The following MGAT4C variants were observed in gnomAD, a reference collection of about 807,000 sequenced individuals.
MGAT4C encodes the protein alpha-1,3-mannosyl-glycoprotein 4-beta-N-acetylglucosaminyltransferase C.
A neutral mutation model predicts 40.1 loss-of-function variants in MGAT4C; 19 were observed. The ratio of observed to expected loss-of-function variants is 0.47; its 90% confidence interval spans 0.33 to 0.70. The LOEUF is 0.70. Ranked by LOEUF, MGAT4C falls within the 30% of genes least tolerant of loss-of-function variation. MGAT4C has a pLI of 0.02. For synonymous variants in MGAT4C, 181 were observed against 187.1 expected, an observed-to-expected ratio of 0.97 and a Z score of 0.27; for missense variants, 491 against 563.2, an observed-to-expected ratio of 0.87 and a Z score of 1.30.
At chr12:86,339,762 A>G (rs1954870078) in intron 3 of MGAT4C, among the ~76,000 whole-genome samples, 1 of 152,074 alleles carries the variant, frequency 6.6e-6, no homozygotes, top group African/African-American at 2.4e-5. Context: ...AAAGACACAC[A>G]GAGCAAATTT....
chr12:86,368,486 T>A (rs1955650238), intron 3 of MGAT4C, among the ~76,000 whole-genome samples: 1 of 152,068 alleles, frequency 6.6e-6, no homozygotes, highest in Non-Finnish European at 1.5e-5. Flanking sequence ...TTTAGTTTGT[T>A]TATTTGAGGT....
chr12:86,441,965 G>A (rs1309332858), intron 2 of MGAT4C, among the ~76,000 whole-genome samples: 1 of 152,142 alleles, frequency 6.6e-6, no homozygotes, highest in Non-Finnish European at 1.5e-5. Context: ...CACTGACAGT[G>A]TAAAAGTGTT....
intron 3 of MGAT4C, among the ~76,000 whole-genome samples, chr12:86,345,507 T>C (rs1010093985): frequency 1.3e-5 from 2 of 151,744 alleles, no homozygotes; most frequent in African/African-American, 2.4e-5. Flanking sequence ...TTCCCACCTA[T>C]GAGTGAGAAC....
intron 1 of MGAT4C, among the ~76,000 whole-genome samples, chr12:86,052,934 T>C (rs989516637): frequency 6.6e-6 from 1 of 151,996 alleles, no homozygotes; most frequent in African/African-American, 2.4e-5. Context: ...TTCATCTCTA[T>C]AAGCTGAGTG....
chr12:86,391,091 C>G (rs1253624834), intron 3 of MGAT4C, among the ~76,000 whole-genome samples: 1 of 152,054 alleles, frequency 6.6e-6, no homozygotes, highest in South Asian at 2.1e-4. Context: ...CTGTTTTCTC[C>G]GTAAAATCTC....
chr12:86,746,231 A>G (rs1287003732), intron 1 of MGAT4C, among the ~76,000 whole-genome samples: 3 of 151,668 alleles, frequency 2.0e-5, no homozygotes, highest in African/African-American at 4.8e-5. Context: ...CAAGGCAGCT[A>G]GAAGGATCCT....
chr12:86,804,055 G>A (rs927248680), intron 1 of MGAT4C, among the ~76,000 whole-genome samples: 2 of 144,066 alleles, frequency 1.4e-5, no homozygotes, highest in African/African-American at 5.1e-5. Flanking sequence ...AGAAAATGTG[G>A]CACATATACA....
At chr12:86,236,453 G>T (rs1362957938) in intron 1 of MGAT4C, among the ~76,000 whole-genome samples, 1 of 151,908 alleles carries the variant, frequency 6.6e-6, no homozygotes, top group Non-Finnish European at 1.5e-5. Flanking sequence ...CAAAAATCAG[G>T]TCTCAGTTTT....
At chr12:86,087,187 C>T (rs1872021814) in intron 1 of MGAT4C, among the ~76,000 whole-genome samples, 1 of 152,048 alleles carries the variant, frequency 6.6e-6, no homozygotes, top group South Asian at 2.1e-4. Context: ...GATATATACC[C>T]AGCAATGGGA....
intron 1 of MGAT4C, among the ~76,000 whole-genome samples, chr12:86,804,424 TA>T (rs1358045627): frequency 6.7e-6 from 1 of 150,086 alleles, no homozygotes; most frequent in African/African-American, 2.4e-5. Context: ...AATAAAAAAA[TA>T]AAAAAATAAA....
intron 1 of MGAT4C, among the ~76,000 whole-genome samples, chr12:86,197,458 C>A (rs929338807): frequency 2.6e-5 from 4 of 152,042 alleles, no homozygotes; most frequent in African/African-American, 9.7e-5. Flanking sequence ...CAGGGTGGAG[C>A]CCTCATGATT....
At chr12:86,469,429 T>C (rs1957727180) in intron 2 of MGAT4C, among the ~76,000 whole-genome samples, 1 of 152,132 alleles carries the variant, frequency 6.6e-6, no homozygotes, top group South Asian at 2.1e-4. Context: ...GATTCCTTTC[T>C]CTCATAAATC....
chr12:86,381,478 A>G (rs1295153943), intron 3 of MGAT4C, among the ~76,000 whole-genome samples: 1 of 152,160 alleles, frequency 6.6e-6, no homozygotes, highest in Non-Finnish European at 1.5e-5. Flanking sequence ...CCAAGGAAGC[A>G]GAGGAAAAAT....
At chr12:86,354,902 G>A (rs555388638) in intron 3 of MGAT4C, among the ~76,000 whole-genome samples, 3 of 152,204 alleles carry the variant, frequency 2.0e-5, no homozygotes, top group Non-Finnish European at 4.4e-5. Context: ...AAGGTTTACT[G>A]TGAAGAGCAA....
chr12:86,666,636 T>C (rs1964114351), intron 2 of MGAT4C, among the ~76,000 whole-genome samples: 1 of 152,200 alleles, frequency 6.6e-6, no homozygotes, highest in Admixed American at 6.5e-5. Flanking sequence ...AAGAATTCCC[T>C]TGTTTCCCCA....
At chr12:86,689,202 A>G (rs1318345914) in intron 2 of MGAT4C, among the ~76,000 whole-genome samples, 1 of 152,128 alleles carries the variant, frequency 6.6e-6, no homozygotes, top group Non-Finnish European at 1.5e-5. Context: ...CAAGTCATTT[A>G]TATTCTTCTG....
At chr12:86,125,068 G>C (rs1199482019) in intron 1 of MGAT4C, among the ~76,000 whole-genome samples, 2 of 152,170 alleles carry the variant, frequency 1.3e-5, no homozygotes, top group Non-Finnish European at 2.9e-5. Context: ...CTCTTATCAG[G>C]AAAGTTGGCC....
At chr12:86,487,544 G>T (rs555215621) in intron 2 of MGAT4C, among the ~76,000 whole-genome samples, 1 of 152,046 alleles carries the variant, frequency 6.6e-6, no homozygotes. Context: ...CTCTTTTAGG[G>T]GTTCTTGATT....
chr12:86,513,484 T>G (rs1233156424), intron 2 of MGAT4C, among the ~76,000 whole-genome samples: 2 of 152,174 alleles, frequency 1.3e-5, no homozygotes, highest in East Asian at 3.9e-4. Flanking sequence ...CTGCTGTAGT[T>G]TTATGGATGC....
Sources: gnomAD v4.1 joint callset for allele counts (sites outside exome capture counted in the v4.1 genomes callset) on GRCh38, gnomAD v4.1.1 for gene constraint, MANE v1.5 for transcripts, NCBI Gene and HGNC (gene_info 2026-07-23, HGNC 2026-07-21) for gene names.